The following BCL2L13 variants were observed in gnomAD, a reference collection of about 807,000 sequenced individuals.
The protein encoded by BCL2L13 is BCL2 like 13.
BCL2L13 carries 13 observed loss-of-function variants against 25.8 expected under a neutral mutation model. The observed-to-expected ratio is 0.50, with a 90% CI of 0.33 to 0.80. BCL2L13 has a LOEUF of 0.80. Ranked by LOEUF, BCL2L13 falls within the 30% of genes least tolerant of loss-of-function variation. The pLI, the probability that BCL2L13 is intolerant of heterozygous loss-of-function variation, is 0.02. For missense variants in BCL2L13, 504 were observed against 574.9 expected, an observed-to-expected ratio of 0.88 and a Z score of 1.26; for synonymous variants, 244 against 230.3, an observed-to-expected ratio of 1.06 and a Z score of -0.54.
intron 2 of BCL2L13, among the ~76,000 whole-genome samples, chr22:17,664,442 G>A (rs572806655): frequency 6.6e-6 from 1 of 152,208 alleles, no homozygotes; most frequent in East Asian, 1.9e-4. Context: ...TTCACAGACT[G>A]GCATTGAGTG....
rs752895204 is a variant in BCL2L13, at chr22:17,655,786, CCT to C, written c.81_82del (p.Gln28ArgfsTer32). Reference sequence around the variant, plus strand: ...ATGTTGTTCTCAGCTACTTGGGACTCCTCTCTCAAGAGAAGCTGCAAGAGCAA... The same window carrying C: ...ATGTTGTTCTCAGCTACTTGGGACTCCTCTCAAGAGAAGCTGCAAGAGCAA... ...KYVVLSYLGL[L>X]SQEKLQEQHL... On this transcript the variant is annotated frameshift_variant, in exon 2 of 7. Transcript: ENST00000317582. LOFTEE classifies it high-confidence loss of function. 3 of 1,613,538 alleles carry C rather than the reference CCT, an allele frequency of 1.9e-6. No individual in the cohort carries two copies. The highest frequency in any genetic ancestry group is 1.3e-5 in the African/African-American group (1 of 74,866).
chr22:17,655,525 C>T (rs532939994), intron 1 of BCL2L13, 137 bp from the exon 2 acceptor site: 7 of 463,760 alleles, frequency 1.5e-5, no homozygotes, highest in African/African-American at 6.2e-5. Flanking sequence ...GCTGAGATTG[C>T]GCCACTGCAC....
intron 6 of BCL2L13, among the ~76,000 whole-genome samples, chr22:17,711,188 C>T (rs2060747836): frequency 6.6e-6 from 1 of 151,944 alleles, no homozygotes; most frequent in Non-Finnish European, 1.5e-5. Context: ...TGCCACTGCA[C>T]TGTAGCCCCT....
intron 4 of BCL2L13, among the ~76,000 whole-genome samples, chr22:17,692,096 A>G (rs910361781): frequency 3.3e-5 from 5 of 152,210 alleles, no homozygotes; most frequent in African/African-American, 9.6e-5. Context: ...GGTAGAAAAT[A>G]CCACTGATTC....
At chr22:17,684,123 C>T (rs1279645244) in intron 3 of BCL2L13, among the ~76,000 whole-genome samples, 1 of 151,942 alleles carries the variant, frequency 6.6e-6, no homozygotes, top group African/African-American at 2.4e-5. Flanking sequence ...TATATTTTTA[C>T]AGCTTTATTG....
chr22:17,650,483 A>G (rs2058646955), intron 1 of BCL2L13, among the ~76,000 whole-genome samples: 1 of 152,110 alleles, frequency 6.6e-6, no homozygotes. Context: ...TTCTGGTGGC[A>G]TTGGCGGTGG....
chr22:17,655,660 A>C lies in BCL2L13; in HGVS notation c.-50-2A>C. 6.4e-7 allele frequency: 1 copy of C among 1,557,666 alleles called. No individual in the cohort carries two copies. The highest frequency in any genetic ancestry group is 8.7e-7 in the Non-Finnish European group (1 of 1,154,844). On this transcript the variant is annotated splice_acceptor_variant, in intron 1 of 6. Coordinates refer to ENST00000317582, the MANE Select transcript of BCL2L13 (RefSeq NM_015367.4). LOFTEE classifies it low-confidence loss of function (5UTR_SPLICE). ...CTGAAAAAATTACTTTTTTGTTCTT[A>C]GGTTTTACACATCCATAAGTAGACC... is the stretch of plus-strand genomic sequence containing the variant.
intron 5 of BCL2L13, 82 bp downstream of exon 5, chr22:17,696,292 C>A: frequency 1.7e-6 from 2 of 1,150,666 alleles, no homozygotes; most frequent in Non-Finnish European, 2.6e-6. Context: ...GCATCATCAG[C>A]AGAAAACTGT....
rs766203253 is a variant in BCL2L13 at position 17,696,163 on chromosome 22, C to T, written c.409C>T (p.Arg137Trp). The change falls in exon 5 of 7, where the codon CGG (arginine) becomes TGG (tryptophan). Residue 137 changes from arginine (R) to tryptophan (W), a missense_variant. Arg to Trp is a moderately radical substitution (Grantham distance 101). Transcript: ENST00000317582. ...LSQPVTYQAF[R>W]ECTLETTVHA... is the part of the protein sequence containing the mutation. ...CAGGCCAGTGACATATCAGGCATTT[C>T]GGGAATGTACACTGGAGACCACAGT... 2.3e-5 allele frequency: 37 copies of T among 1,613,592 alleles called. No homozygotes were observed. Among genetic ancestry groups the T allele is most frequent in the African/African-American group, 4.0e-5 (3 of 74,890 alleles).
At chr22:17,710,067 T>TAAAAAAAAA (rs71201876) in intron 6 of BCL2L13, among the ~76,000 whole-genome samples, 1 of 91,788 alleles carries the variant, frequency 1.1e-5, no homozygotes, top group Non-Finnish European at 1.9e-5. Flanking sequence ...GACCTTGTCT[T>TAAAAAAAAA]AAAAAAAAAA....
intron 3 of BCL2L13, among the ~76,000 whole-genome samples, chr22:17,683,844 CATT>C (rs57407987): frequency 0.15 from 21,752 of 144,254 alleles, 1,975 homozygotes; most frequent in Non-Finnish European, 0.21. Context: ...TCAGTCATTC[CATT>C]ATTATTATTA....
intron 3 of BCL2L13, among the ~76,000 whole-genome samples, chr22:17,685,477 G>A (rs1014987664): frequency 3.3e-5 from 5 of 151,996 alleles, no homozygotes; most frequent in African/African-American, 1.2e-4. Context: ...ACCTGTCTCG[G>A]CCTCCCAGAG....
intron 6 of BCL2L13, among the ~76,000 whole-genome samples, chr22:17,718,956 C>T (rs977339344): frequency 6.6e-6 from 1 of 151,720 alleles, no homozygotes; most frequent in Non-Finnish European, 1.5e-5. Context: ...ATCAGGAGTT[C>T]AAGACTAGCC....
chr22:17,690,597 A>G (rs1381599478), intron 4 of BCL2L13, among the ~76,000 whole-genome samples: 7 of 152,000 alleles, frequency 4.6e-5, no homozygotes, highest in African/African-American at 1.7e-4. Context: ...TGTCTCTACA[A>G]AAAAAATGTT....
intron 1 of BCL2L13, among the ~76,000 whole-genome samples, chr22:17,648,433 C>T (rs926827548): frequency 1.3e-5 from 2 of 152,002 alleles, no homozygotes; most frequent in African/African-American, 4.8e-5. Context: ...TATGGTGGCT[C>T]ACGCTTGTAA....
At position 17,655,969 on chromosome 22, in the gene BCL2L13, G is replaced by A. The variant is rs140001966; in HGVS notation, c.121+137G>A. The A allele has an allele frequency of 9.9e-4, 863 of 873,608 alleles. 4 individuals carry two copies. The African/African-American group carries it at 0.014, about 14-fold the overall frequency. 54.1% of individuals were successfully genotyped at this position (873,608 alleles called of 1,614,324 possible). ...TAAGAATAACCTGTTAGGGCTGGGC[G>A]CGGTGGCTCACACCTGTTATGCCAG... On this transcript the variant is annotated intron_variant, in intron 2 of 6. Coordinates refer to ENST00000317582, the MANE Select transcript of BCL2L13 (RefSeq NM_015367.4).
chr22:17,652,922 G>T (rs1044900819), intron 1 of BCL2L13, among the ~76,000 whole-genome samples: 1 of 151,958 alleles, frequency 6.6e-6, no homozygotes, highest in African/African-American at 2.4e-5. Flanking sequence ...AAAATTAGCC[G>T]GGCGTGGTGG....
At chr22:17,721,179 A>AT (rs2061116078) in intron 6 of BCL2L13, among the ~76,000 whole-genome samples, 2 of 150,120 alleles carry the variant, frequency 1.3e-5, no homozygotes, top group African/African-American at 2.5e-5. Flanking sequence ...CAAAAAAAAA[A>AT]AATATATATA....
chr22:17,688,991 A>G lies in BCL2L13; in HGVS notation c.235A>G (p.Thr79Ala), dbSNP rs2060026466. The change falls in exon 4 of 7, where the codon ACC (threonine) becomes GCC (alanine). Residue 79 changes from threonine to alanine, a missense_variant. Physicochemically the swap from Thr to Ala is moderately conservative, Grantham distance 58 (BLOSUM62 0). Coordinates refer to ENST00000317582, the MANE Select transcript of BCL2L13 (RefSeq NM_015367.4). Reference sequence around the variant, plus strand: ...TTCTTTTGTCCTATCTTCAGCCTTCACCAGCACAGGCTTTGACCGTCACAC... The same window carrying G: ...TTCTTTTGTCCTATCTTCAGCCTTCGCCAGCACAGGCTTTGACCGTCACAC... ...SLDKEISEAF[T>A]STGFDRHTSP... 6.2e-7 allele frequency: 1 copy of G among 1,612,592 alleles called. No homozygotes were observed. The highest frequency in any genetic ancestry group is 8.5e-7 in the Non-Finnish European group (1 of 1,179,594).
Sources: gnomAD v4.1 joint callset for allele counts (sites outside exome capture counted in the v4.1 genomes callset) on GRCh38, gnomAD v4.1.1 for gene constraint, MANE v1.5 for transcripts, NCBI Gene and HGNC (gene_info 2026-07-23, HGNC 2026-07-21) for gene names.